The following ASNS variants were observed in gnomAD, a reference collection of about 807,000 sequenced individuals.
The protein encoded by ASNS is asparagine synthetase (glutamine-hydrolyzing), also known as asparagine synthetase [glutamine-hydrolyzing].
A neutral mutation model predicts 62.6 loss-of-function variants in ASNS; 37 were observed. That is an observed-to-expected ratio of 0.59 (90% CI 0.45 to 0.78). The LOEUF is 0.78. ASNS is among the 30% of genes least tolerant of loss of function. The pLI, the probability that ASNS is intolerant of heterozygous loss-of-function variation, is 0.00. For synonymous variants in ASNS, 207 were observed against 237.9 expected, an observed-to-expected ratio of 0.87 and a Z score of 1.19; for missense variants, 520 against 682.4, an observed-to-expected ratio of 0.76 and a Z score of 2.65.
chr7:97,858,319 T>C lies in ASNS; in HGVS notation c.862A>G (p.Ile288Val), dbSNP rs778448554. The change falls in exon 7 of 13, where the codon ATT (isoleucine) becomes GTT (valine). Residue 288 changes from isoleucine (I) to valine (V), a missense_variant. Physicochemically the swap from Ile to Val is conservative, Grantham distance 29. Coordinates refer to ENST00000394308, the MANE Select transcript of ASNS (RefSeq NM_001673.5). ...QVQYPLQTFA[I>V]GMEDSPDLLA... is the part of the protein sequence containing the mutation. Reference sequence around the variant, plus strand: ...AAATCGGGGCTGTCTTCCATGCCAATTGCAAATGTCTGGAGAGGATACTGT... The same window carrying C: ...AAATCGGGGCTGTCTTCCATGCCAACTGCAAATGTCTGGAGAGGATACTGT... 16 of 1,613,902 alleles carry C rather than the reference T, an allele frequency of 9.9e-6. No individual in the cohort carries two copies. The East Asian group carries it at 1.6e-4, about 16-fold the overall frequency.
upstream of ASNS, among the ~76,000 whole-genome samples, chr7:97,874,992 A>C (rs1281262449): frequency 6.6e-6 from 1 of 152,220 alleles, no homozygotes; most frequent in Non-Finnish European, 1.5e-5. Context: ...GAAGTGGTAG[A>C]TATTGGTATT....
At chr7:97,865,982 G>A (rs1791947448) in intron 3 of ASNS, among the ~76,000 whole-genome samples, 1 of 152,102 alleles carries the variant, frequency 6.6e-6, no homozygotes, top group Non-Finnish European at 1.5e-5. Flanking sequence ...ACATCAAAAT[G>A]CACATGTAAT....
At chr7:97,896,573 G>A in the ASNS span, among the ~76,000 whole-genome samples, 11 of 131,430 alleles carry the variant, frequency 8.4e-5, no homozygotes, top group South Asian at 2.6e-4. Flanking sequence ...CTCCAGCCTC[G>A]GCGACAGAGC....
chr7:97,854,743 C>T (rs1426318527), intron 9 of ASNS, 63 bp from the exon 10 acceptor site: 1 of 1,608,496 alleles, frequency 6.2e-7, no homozygotes, highest in Non-Finnish European at 8.5e-7. Flanking sequence ...TTTTCTTTCT[C>T]CCTCTCCAAT....
chr7:97,912,652 G>A, the ASNS span, among the ~76,000 whole-genome samples: 6 of 136,050 alleles, frequency 4.4e-5, no homozygotes, highest in African/African-American at 1.7e-4. Flanking sequence ...GTGCCATCTC[G>A]GCTCACTGCA....
At chr7:97,873,141 A>G (rs977814530), upstream of ASNS, among the ~76,000 whole-genome samples, 29 of 152,256 alleles carry the variant, frequency 1.9e-4, no homozygotes, top group Admixed American at 1.9e-3. Flanking sequence ...CATTTTAAGT[A>G]CAAAGATTCC....
intron 9 of ASNS, 61 bp downstream of exon 9, chr7:97,855,292 G>C (rs951558950): frequency 1.1e-5 from 13 of 1,219,586 alleles, no homozygotes; most frequent in Non-Finnish European, 1.4e-5. Context: ...ATAGAAAATA[G>C]TCAAACAATT....
chr7:97,912,538 G>A, the ASNS span, among the ~76,000 whole-genome samples: 2 of 149,858 alleles, frequency 1.3e-5, no homozygotes, highest in Non-Finnish European at 3.0e-5. Flanking sequence ...CTCCCCTAGG[G>A]GAGAGATGGA....
At chr7:97,896,680 G>GTA in the ASNS span, among the ~76,000 whole-genome samples, 173 of 122,476 alleles carry the variant, frequency 1.4e-3, no homozygotes, top group African/African-American at 3.8e-3. Context: ...ATGTGTGTGT[G>GTA]TATATATATA....
At chr7:97,890,348 T>C in the ASNS span, among the ~76,000 whole-genome samples, 1 of 152,010 alleles carries the variant, frequency 6.6e-6, no homozygotes, top group African/African-American at 2.4e-5. Flanking sequence ...ACCAAATAAA[T>C]ACAACTCAAA....
At chr7:97,908,590 T>A in the ASNS span, among the ~76,000 whole-genome samples, 1 of 152,148 alleles carries the variant, frequency 6.6e-6, no homozygotes, top group Non-Finnish European at 1.5e-5. Flanking sequence ...TTAGTAGAGA[T>A]GGGGTTTCAT....
In ASNS at chr7:97,866,331, G is replaced by A. The variant is rs576068110; in HGVS notation, c.250-1835C>T. ...CTGGTCCCCAGGGGTGGATGACAAT[G>A]CCCAGTGCTTCCACCACTGCAGCAG... On this transcript the variant is annotated intron_variant, in intron 3 of 12. Transcript: ENST00000394308. 2.6e-4 allele frequency among the ~76,000 whole-genome samples: 40 copies of A among 152,310 alleles called. No individual in the cohort carries two copies. The East Asian group carries it at 7.0e-3, about 26-fold the overall frequency.
chr7:97,859,358 T>G lies in ASNS; in HGVS notation c.528A>C (p.Lys176Asn), dbSNP rs754531044. ...AGTGTCCAGGAAGAAAAGGCTCCAC[T>G]TTTAAAAAGGGAGTCGCGGAGTGCT... is the stretch of plus-strand genomic sequence containing the variant. Reference protein sequence around the residue: ...TLKHSATPFLKVEPFLPGHYE... With the variant: ...TLKHSATPFLNVEPFLPGHYE... The change falls in exon 5 of 13, where the codon AAA (lysine) becomes AAC (asparagine). Residue 176 changes from lysine (K) to asparagine (N), a missense_variant. Transcript: ENST00000394308. 6.2e-6 allele frequency: 10 copies of G among 1,613,486 alleles called. No individual in the cohort carries two copies. Among genetic ancestry groups the G allele is most frequent in the African/African-American group, 1.3e-5 (1 of 74,886 alleles).
chr7:97,903,361 C>T, the ASNS span, among the ~76,000 whole-genome samples: 19 of 151,800 alleles, frequency 1.3e-4, no homozygotes, highest in South Asian at 1.9e-3. Context: ...GCTCAAGAAC[C>T]GGAGATCCCC....
the ASNS span, among the ~76,000 whole-genome samples, chr7:97,897,580 A>G: frequency 6.6e-6 from 1 of 152,252 alleles, no homozygotes; most frequent in Non-Finnish European, 1.5e-5. Context: ...ACTTGTTAGA[A>G]TGGGTATTAA....
intron 10 of ASNS, 29 bp downstream of exon 10, chr7:97,854,551 T>C (rs1791342562): frequency 1.3e-6 from 2 of 1,589,620 alleles, no homozygotes; most frequent in Non-Finnish European, 1.7e-6. Flanking sequence ...TTTTTGTTTT[T>C]GTTTTACAAT....
chr7:97,891,675 T>C, the ASNS span, among the ~76,000 whole-genome samples: 1 of 152,098 alleles, frequency 6.6e-6, no homozygotes, highest in Non-Finnish European at 1.5e-5. Context: ...CAAAATCCAG[T>C]GGGGCAGTCA....
chr7:97,890,894 T>C, the ASNS span, among the ~76,000 whole-genome samples: 84 of 152,256 alleles, frequency 5.5e-4, no homozygotes, highest in African/African-American at 2.0e-3. Context: ...TCTACCATCA[T>C]GAAAATACAT....
chr7:97,864,698 T>C (rs1263282970), intron 3 of ASNS, among the ~76,000 whole-genome samples: 1 of 152,188 alleles, frequency 6.6e-6, no homozygotes, highest in Non-Finnish European at 1.5e-5. Flanking sequence ...GCCGAACCCA[T>C]GAAAATTTTA....
Sources: gnomAD v4.1 joint callset for allele counts (sites outside exome capture counted in the v4.1 genomes callset) on GRCh38, gnomAD v4.1.1 for gene constraint, MANE v1.5 for transcripts, NCBI Gene and HGNC (gene_info 2026-07-23, HGNC 2026-07-21) for gene names.